The following PIEZO2 variants were observed in gnomAD, a reference collection of about 807,000 sequenced individuals.
PIEZO2 encodes the protein piezo-type mechanosensitive ion channel component 2.
In PIEZO2, 172 loss-of-function variants were observed where a neutral mutation model predicts 337.3. The observed-to-expected ratio is 0.51, with a 90% CI of 0.45 to 0.58. The LOEUF (loss-of-function observed/expected upper bound fraction) is 0.58, where lower values mean the gene tolerates loss of function less well. PIEZO2 is among the 20% of genes least tolerant of loss of function. PIEZO2 has a pLI of 0.00. For synonymous variants in PIEZO2, 1,251 were observed against 1,228.5 expected (o/e 1.02, Z -0.38); for missense variants, 3,028 against 3,391.3 (o/e 0.89, Z 2.66).
chr18:11,029,255 G>T (rs1307895074), intron 2 of PIEZO2, among the ~76,000 whole-genome samples: 2 of 151,992 alleles, frequency 1.3e-5, no homozygotes, highest in African/African-American at 4.8e-5. Flanking sequence ...TCCAGACCCG[G>T]CTCCCCATTT....
chr18:10,972,112 G>A (rs925710242), intron 3 of PIEZO2, among the ~76,000 whole-genome samples: 2 of 150,030 alleles, frequency 1.3e-5, no homozygotes, highest in Non-Finnish European at 3.0e-5. Flanking sequence ...GGCCAACATG[G>A]TGAAACCCTA....
rs1047547913 is a variant in PIEZO2, at chr18:10,859,201, T to C, written c.493-1990A>G. ...AAAGTTACCAGCCCTGTGAAAGTCC[T>C]GGCAAAGTGCATTCCGGGTGGAGGA... On this transcript the variant is annotated intron_variant, in intron 5 of 55. Transcript: ENST00000674853. This position sits in a 1 kb window ranked among gnomAD's most constrained non-coding sequence, Gnocchi z 4.9. Among the ~76,000 whole-genome samples, 7 of 152,308 alleles carry C rather than the reference T, an allele frequency of 4.6e-5. No homozygotes were observed. The highest frequency in any genetic ancestry group is 1.7e-4 in the African/African-American group (7 of 41,570).
Position 11,105,327 on chromosome 18 carries a change from G to A in PIEZO2, c.65-39105C>T. 6.6e-6 allele frequency among the ~76,000 whole-genome samples: 1 copy of A among 152,144 alleles called. No individual in the cohort carries two copies. The highest frequency in any genetic ancestry group is 2.1e-4 in the South Asian group (1 of 4,834). On this transcript the variant is annotated intron_variant, in intron 1 of 55. Coordinates refer to ENST00000674853, the MANE Select transcript of PIEZO2 (RefSeq NM_001378183.1). This position sits in a 1 kb window ranked among gnomAD's most constrained non-coding sequence, Gnocchi z 4.3. ...TGGCTGAAAGGGAACTTAAAATTCA[G>A]ACTTACTCCTCTAGACTGTAAACCA... is the stretch of plus-strand genomic sequence containing the variant.
Position 10,807,143 on chromosome 18 carries a change from G to A in PIEZO2, c.1049C>T (p.Thr350Ile). ...LLLVMYYTLA[T>I]LIRIWLQEPL... is the part of the protein sequence containing the mutation. ...CTCTTGCAGCCAGATGCGGATCAGA[G>A]TGGCCAGAGTGTAGTACATCACCAG... The change falls in exon 8 of 56, where the codon ACT becomes ATT. Residue 350 changes from threonine to isoleucine, a missense_variant. Thr to Ile is a moderately conservative substitution (Grantham distance 89). Around this residue, in one of 5 missense-constraint regions of PIEZO2, gnomAD observed 542 missense variants for 605.6 expected, o/e 0.89. Coordinates refer to ENST00000674853, the MANE Select transcript of PIEZO2 (RefSeq NM_001378183.1). 1 of 1,537,096 alleles carries A rather than the reference G, an allele frequency of 6.5e-7. No individual in the cohort carries two copies. Among genetic ancestry groups the A allele is most frequent in the Non-Finnish European group, 8.7e-7 (1 of 1,146,822 alleles).
intron 2 of PIEZO2, among the ~76,000 whole-genome samples, chr18:11,010,811 A>T (rs2035871598): frequency 6.6e-6 from 1 of 152,244 alleles, no homozygotes; most frequent in Admixed American, 6.5e-5. Flanking sequence ...GCACATATTT[A>T]CATATTTAGC....
In PIEZO2 at chr18:10,677,852, G is replaced by C; in HGVS notation, c.7976C>G (p.Ser2659Trp). The C allele has an allele frequency of 6.3e-7, 1 of 1,594,260 alleles. No homozygotes were observed. The highest frequency in any genetic ancestry group is 8.5e-7 in the Non-Finnish European group (1 of 1,175,050). ...AGAAAGCTTATCTGTTGCTATTTCC[G>C]ATTTTGCACCCAGACTTAAGTTTCT... The part of the protein sequence containing the change: ...IQRNLSLGAK[S>W]EIATDKLSFP... The change falls in exon 53 of 56, where the codon TCG (serine) becomes TGG (tryptophan). Residue 2659 changes from serine (S) to tryptophan (W), a missense_variant. Ser to Trp is a radical substitution (Grantham distance 177, BLOSUM62 -3). Around this residue, in one of 5 missense-constraint regions of PIEZO2, gnomAD observed 332 missense variants for 363.8 expected, o/e 0.91. Coordinates refer to ENST00000674853, the MANE Select transcript of PIEZO2 (RefSeq NM_001378183.1). This position sits in a 1 kb window ranked among gnomAD's most constrained non-coding sequence, Gnocchi z 4.1.
At chr18:11,086,130 TAATATTAA>T (rs2038901710) in intron 1 of PIEZO2, among the ~76,000 whole-genome samples, 2 of 152,182 alleles carry the variant, frequency 1.3e-5, no homozygotes, top group South Asian at 4.1e-4. Context: ...CAGCAATGGG[TAATATTAA>T]AATTATTGGT....
rs1477230151 is a variant in PIEZO2 at position 11,070,888 on chromosome 18, G to C, written c.65-4666C>G. 6.6e-6 allele frequency among the ~76,000 whole-genome samples: 1 copy of C among 152,154 alleles called. No homozygotes were observed. The highest frequency in any genetic ancestry group is 6.5e-5 in the Admixed American group (1 of 15,274). On this transcript the variant is annotated intron_variant, in intron 1 of 55. Transcript: ENST00000674853. This position sits in a 1 kb window ranked among gnomAD's most constrained non-coding sequence, Gnocchi z 4.3. The stretch of plus-strand genomic sequence containing the variant: ...GCTGAGGGGACACATCAGGATGCGA[G>C]TGGCGGGTACCCAGACAGGAAGACC...
In PIEZO2 at chr18:11,148,577, T is replaced by C; in HGVS notation, c.12A>G (p.Glu4=). MAS[E]VVCGLIFRLL... ...GCCTGAAGATGAGCCCGCACACCAC[T>C]TCTGAGGCCATCGCGTCGGTCCGGC... Residue 4 remains glutamate, a synonymous_variant, in exon 1 of 56, where the codon GAA becomes GAG. Coordinates refer to ENST00000674853, the MANE Select transcript of PIEZO2 (RefSeq NM_001378183.1). This position sits in a 1 kb window ranked among gnomAD's most constrained non-coding sequence, Gnocchi z 5.2. 6.5e-7 allele frequency: 1 copy of C among 1,537,092 alleles called. No individual in the cohort carries two copies. The highest frequency in any genetic ancestry group is 8.7e-7 in the Non-Finnish European group (1 of 1,146,882).
rs1442984111 is a variant in PIEZO2 at position 10,800,213 on chromosome 18, G to A, written c.1378+124C>T. ...ATGCAGGCAGAACTTAAAGAAGTGAGGTTAATGACACTGACATGGATACAG... is the reference window on the plus strand; with the variant it reads ...ATGCAGGCAGAACTTAAAGAAGTGAAGTTAATGACACTGACATGGATACAG... On this transcript the variant is annotated intron_variant, in intron 11 of 55. Coordinates refer to ENST00000674853, the MANE Select transcript of PIEZO2 (RefSeq NM_001378183.1). 14 of 1,307,328 alleles carry A rather than the reference G, an allele frequency of 1.1e-5. No individual in the cohort carries two copies. The East Asian group carries it at 2.2e-4, about 20-fold the overall frequency. The allele number at this position is 1,307,328 out of a possible 1,614,324, so 81.0% of individuals were successfully genotyped here. A position where few individuals can be genotyped will look rare whatever the true frequency, so the allele number is the denominator to read the frequency against.
intron 4 of PIEZO2, among the ~76,000 whole-genome samples, chr18:10,884,376 T>G (rs2042512284): frequency 6.6e-6 from 1 of 152,226 alleles, no homozygotes; most frequent in African/African-American, 2.4e-5. Context: ...CTTACTTACT[T>G]TCTGTGTGTT....
intron 33 of PIEZO2, chr18:10,740,626 T>C: frequency 7.3e-6 from 2 of 272,470 alleles, no homozygotes; most frequent in South Asian, 9.3e-5. Context: ...ATGATCATCC[T>C]TAAATCAGAG....
chr18:11,059,817 A>G (rs1330021628), intron 2 of PIEZO2, among the ~76,000 whole-genome samples: 1 of 152,192 alleles, frequency 6.6e-6, no homozygotes, highest in Non-Finnish European at 1.5e-5. Context: ...GGGAGACTTT[A>G]ACACCCCACT....
intron 3 of PIEZO2, among the ~76,000 whole-genome samples, chr18:10,925,759 T>G (rs2031693733): frequency 1.3e-5 from 2 of 152,010 alleles, no homozygotes; most frequent in South Asian, 2.1e-4. Flanking sequence ...TAGTAGAGAC[T>G]GGTTTTCACT....
rs1233404255 is a variant in PIEZO2, at chr18:10,855,978, C to T, written c.704-412G>A. ...CCATTTTCTTTATAATAATTTACTACTTTTTTTTTTTAAGTTAACTAGTAC... is the reference window on the plus strand; with the variant it reads ...CCATTTTCTTTATAATAATTTACTATTTTTTTTTTTTAAGTTAACTAGTAC... On this transcript the variant is annotated intron_variant, in intron 6 of 55. Transcript: ENST00000674853. The surrounding 1 kb of genome is among the most constrained non-coding windows in gnomAD (Gnocchi z 4.9). Among the ~76,000 whole-genome samples, 2 of 147,128 alleles carry T rather than the reference C, an allele frequency of 1.4e-5. No homozygotes were observed. The highest frequency in any genetic ancestry group is 3.0e-5 in the Non-Finnish European group (2 of 66,752).
At chr18:10,730,729 CTATT>C (rs1235672394) in intron 36 of PIEZO2, among the ~76,000 whole-genome samples, 6 of 151,966 alleles carry the variant, frequency 3.9e-5, no homozygotes, top group South Asian at 2.1e-4. Flanking sequence ...TTCTTATTGG[CTATT>C]TATTTATTTT....
At chr18:11,086,794 CAT>C (rs1366650084) in intron 1 of PIEZO2, among the ~76,000 whole-genome samples, 1 of 151,340 alleles carries the variant, frequency 6.6e-6, no homozygotes, top group African/African-American at 2.4e-5. Flanking sequence ...CTAAAAATGT[CAT>C]ATTTAAAGGA....
At chr18:11,062,429 A>T (rs528689168) in intron 2 of PIEZO2, among the ~76,000 whole-genome samples, 1 of 152,364 alleles carries the variant, frequency 6.6e-6, no homozygotes, top group Non-Finnish European at 1.5e-5. Context: ...TTAACTAAAG[A>T]GCCTCTGCAC....
chr18:10,800,274 AG>A (rs1340890683), intron 11 of PIEZO2, 62 bp downstream of exon 11: 1 of 1,485,514 alleles, frequency 6.7e-7, no homozygotes, highest in East Asian at 2.5e-5. Flanking sequence ...AACAACAAAA[AG>A]AGAGAGGCCA....
Sources: allele counts gnomAD v4.1 joint callset (sites outside exome capture counted in the v4.1 genomes callset), GRCh38; gene constraint gnomAD v4.1.1; regional missense constraint gnomAD v4.1.1; non-coding constraint Gnocchi (gnomAD v3.1); transcripts MANE v1.5; gene names NCBI Gene and HGNC (gene_info 2026-07-23, HGNC 2026-07-21).